Variants in SCHIP1 observed in about 807,000 individuals in gnomAD.
SCHIP1 encodes the protein schwannomin interacting protein 1, also known as schwannomin-interacting protein 1.
A neutral mutation model predicts 29.7 loss-of-function variants in SCHIP1; 8 were observed. The observed-to-expected ratio is 0.27, with a 90% CI of 0.16 to 0.49. SCHIP1 has a LOEUF of 0.49. SCHIP1 is among the 20% of genes least tolerant of loss of function. The pLI, the probability that SCHIP1 is intolerant of heterozygous loss-of-function variation, is 0.99. For synonymous variants in SCHIP1, 76 were observed against 94.9 expected (o/e 0.80, Z 1.16); for missense variants, 193 against 294.6 (o/e 0.66, Z 2.52).
chr3:159,373,046 TTTTAA>T, the SCHIP1 span, among the ~76,000 whole-genome samples: 1 of 143,874 alleles, frequency 7.0e-6, no homozygotes, highest in African/African-American at 2.5e-5. Context: ...TTAAATTTGT[TTTTAA>T]TTTTTCTGAA....
At chr3:159,757,172 A>C in the SCHIP1 span, among the ~76,000 whole-genome samples, 6 of 152,240 alleles carry the variant, frequency 3.9e-5, no homozygotes, top group African/African-American at 1.4e-4. Context: ...GCTGCTGATA[A>C]AGACATACCC....
At chr3:159,479,118 T>C in the SCHIP1 span, among the ~76,000 whole-genome samples, 6 of 152,172 alleles carry the variant, frequency 3.9e-5, no homozygotes, top group Admixed American at 6.6e-5. Flanking sequence ...ATTCACATAA[T>C]ATTAAGCCAG....
At chr3:159,892,017 G>A in intron 5 of SCHIP1, 80 bp from the exon 7 acceptor site, 1 of 1,485,428 alleles carries the variant, frequency 6.7e-7, no homozygotes, top group Non-Finnish European at 9.1e-7. Flanking sequence ...CTGTTTGTGT[G>A]TATACTGGTT....
At chr3:159,276,052 G>T in the SCHIP1 span, among the ~76,000 whole-genome samples, 1 of 152,272 alleles carries the variant, frequency 6.6e-6, no homozygotes, top group African/African-American at 2.4e-5. Flanking sequence ...GCTTTGCAGG[G>T]TGGCTGAATA....
chr3:159,506,545 C>T, the SCHIP1 span, among the ~76,000 whole-genome samples: 1 of 152,198 alleles, frequency 6.6e-6, no homozygotes, highest in East Asian at 1.9e-4. Context: ...CTTGCCCATG[C>T]CTATGTCCTA....
chr3:159,299,495 C>A, the SCHIP1 span, among the ~76,000 whole-genome samples: 1 of 152,088 alleles, frequency 6.6e-6, no homozygotes, highest in Non-Finnish European at 1.5e-5. Flanking sequence ...TGAAGGGACA[C>A]CCATAAAACC....
chr3:159,578,060 C>T, the SCHIP1 span, among the ~76,000 whole-genome samples: 7 of 152,034 alleles, frequency 4.6e-5, no homozygotes, highest in Admixed American at 2.0e-4. Context: ...TTGAGGGACC[C>T]GGTTTTGGGG....
chr3:159,825,608 G>A, the SCHIP1 span, among the ~76,000 whole-genome samples: 1 of 152,118 alleles, frequency 6.6e-6, no homozygotes, highest in Non-Finnish European at 1.5e-5. Flanking sequence ...AGAACTTCTC[G>A]AGAATTTCAT....
At chr3:159,620,869 GT>G in the SCHIP1 span, among the ~76,000 whole-genome samples, 1 of 152,086 alleles carries the variant, frequency 6.6e-6, no homozygotes, top group Non-Finnish European at 1.5e-5. Flanking sequence ...TTTAAAAATT[GT>G]TTTAATTATT....
At chr3:159,288,179 G>A in the SCHIP1 span, among the ~76,000 whole-genome samples, 2 of 152,308 alleles carry the variant, frequency 1.3e-5, no homozygotes, top group African/African-American at 4.8e-5. Context: ...CTGAAGGACA[G>A]TCTATGTGCA....
At chr3:159,549,316 A>G in the SCHIP1 span, among the ~76,000 whole-genome samples, 1 of 152,138 alleles carries the variant, frequency 6.6e-6, no homozygotes, top group Non-Finnish European at 1.5e-5. Flanking sequence ...TGAGTTTTCT[A>G]TTAGAATTAT....
the SCHIP1 span, among the ~76,000 whole-genome samples, chr3:159,679,852 C>T: frequency 1.3e-5 from 2 of 152,140 alleles, no homozygotes; most frequent in Non-Finnish European, 2.9e-5. Context: ...TCTCTCTCTA[C>T]TCATCTGCCA....
At chr3:159,833,648 A>C in the SCHIP1 span, among the ~76,000 whole-genome samples, 1 of 152,106 alleles carries the variant, frequency 6.6e-6, no homozygotes, top group Admixed American at 6.6e-5. Flanking sequence ...CCTTAATCTA[A>C]TTCATTTTTA....
the SCHIP1 span, among the ~76,000 whole-genome samples, chr3:159,444,120 GA>G: frequency 2.8e-4 from 43 of 152,096 alleles, no homozygotes; most frequent in Admixed American, 2.8e-3. Flanking sequence ...TGGGAAGAGA[GA>G]AAAGGCAATG....
the SCHIP1 span, among the ~76,000 whole-genome samples, chr3:159,494,867 G>T: frequency 6.6e-6 from 1 of 152,082 alleles, no homozygotes; most frequent in Non-Finnish European, 1.5e-5. Context: ...ATACAATACT[G>T]GCAAACCGAA....
At chr3:159,719,155 G>C in the SCHIP1 span, among the ~76,000 whole-genome samples, 4 of 152,234 alleles carry the variant, frequency 2.6e-5, no homozygotes, top group Admixed American at 1.3e-4. Context: ...TTTAATAAAT[G>C]GTGCTGGGAA....
At chr3:159,598,048 T>C in the SCHIP1 span, among the ~76,000 whole-genome samples, 1 of 152,238 alleles carries the variant, frequency 6.6e-6, no homozygotes, top group East Asian at 1.9e-4. Flanking sequence ...TCACTCACTA[T>C]CACAAGAACA....
the SCHIP1 span, among the ~76,000 whole-genome samples, chr3:159,353,925 TC>T: frequency 1.3e-5 from 2 of 152,184 alleles, no homozygotes; most frequent in African/African-American, 4.8e-5. Context: ...ATTCAATAAT[TC>T]TTTGTTAGCT....
chr3:159,704,565 TG>T, the SCHIP1 span, among the ~76,000 whole-genome samples: 10 of 152,132 alleles, frequency 6.6e-5, no homozygotes, highest in African/African-American at 1.7e-4. Context: ...GCAAACATCC[TG>T]GCATCTAGCA....
Sources: gnomAD v4.1 joint callset for allele counts (sites outside exome capture counted in the v4.1 genomes callset) on GRCh38, gnomAD v4.1.1 for gene constraint, MANE v1.5 for transcripts, NCBI Gene and HGNC (gene_info 2026-07-23, HGNC 2026-07-21) for gene names.